The following PDSS2 variants were observed in gnomAD, a reference collection of about 807,000 sequenced individuals.
The protein encoded by PDSS2 is all trans-polyprenyl-diphosphate synthase PDSS2.
In PDSS2, 31 loss-of-function variants were observed where a neutral mutation model predicts 44.5. That is an observed-to-expected ratio of 0.70 (90% confidence interval 0.52 to 0.94). The LOEUF is 0.94. PDSS2 is among the 40% of genes least tolerant of loss of function. The pLI is 0.00. For synonymous variants in PDSS2, 157 were observed against 180.3 expected (o/e 0.87, Z 1.03); for missense variants, 452 against 482.2 (o/e 0.94, Z 0.59).
intron 7 of PDSS2, among the ~76,000 whole-genome samples, chr6:107,180,474 G>T (rs765225978): frequency 7.2e-5 from 11 of 152,166 alleles, no homozygotes; most frequent in Non-Finnish European, 1.3e-4. Context: ...TATTCCTTAT[G>T]AATTAGAAGA....
intron 4 of PDSS2, among the ~76,000 whole-genome samples, chr6:107,240,727 A>T (rs540624297): frequency 1.1e-3 from 165 of 146,158 alleles, no homozygotes; most frequent in South Asian, 6.5e-3. Context: ...ATAAAAATTT[A>T]AAAAAAAAAA....
intron 7 of PDSS2, among the ~76,000 whole-genome samples, chr6:107,182,362 T>C (rs1772013913): frequency 6.6e-6 from 1 of 152,230 alleles, no homozygotes; most frequent in Non-Finnish European, 1.5e-5. Flanking sequence ...TCTCACTCTA[T>C]TGCCTGGGCT....
chr6:107,451,622 AG>A (rs1305883450), intron 1 of PDSS2, among the ~76,000 whole-genome samples: 2 of 152,160 alleles, frequency 1.3e-5, no homozygotes, highest in African/African-American at 4.8e-5. Flanking sequence ...TATGGGTCAA[AG>A]GAAGTGCTAA....
intron 4 of PDSS2, among the ~76,000 whole-genome samples, chr6:107,245,123 C>A (rs931753289): frequency 6.6e-6 from 1 of 152,028 alleles, no homozygotes; most frequent in Non-Finnish European, 1.5e-5. Flanking sequence ...ATAAAAGATA[C>A]CCCCATCCCA....
chr6:107,430,756 C>T (rs1460166317), intron 1 of PDSS2, among the ~76,000 whole-genome samples: 1 of 151,748 alleles, frequency 6.6e-6, no homozygotes, highest in South Asian at 2.1e-4. Context: ...TTGCGGTGAG[C>T]CAAGACTGCA....
intron 1 of PDSS2, among the ~76,000 whole-genome samples, chr6:107,431,269 T>C (rs1238097213): frequency 6.6e-6 from 1 of 152,232 alleles, no homozygotes; most frequent in Non-Finnish European, 1.5e-5. Context: ...TCCTTTTTTC[T>C]TGAGACAGGG....
intron 4 of PDSS2, among the ~76,000 whole-genome samples, chr6:107,243,347 GCTAT>G (rs1246484191): frequency 2.0e-5 from 3 of 152,110 alleles, no homozygotes; most frequent in Admixed American, 6.5e-5. Flanking sequence ...ACTGTAAAGG[GCTAT>G]CTAAGTATTA....
At chr6:107,426,851 C>G (rs111777029) in intron 1 of PDSS2, among the ~76,000 whole-genome samples, 1 of 152,074 alleles carries the variant, frequency 6.6e-6, no homozygotes, top group East Asian at 1.9e-4. Context: ...TTACCCAATG[C>G]CTGTACCCCC....
intron 2 of PDSS2, among the ~76,000 whole-genome samples, chr6:107,311,745 T>C (rs763537262): frequency 3.3e-4 from 50 of 152,212 alleles, no homozygotes; most frequent in Non-Finnish European, 6.6e-4. Flanking sequence ...GCTCTGTAGA[T>C]CTTGGCTAAA....
intron 1 of PDSS2, among the ~76,000 whole-genome samples, chr6:107,444,292 A>G (rs576873723): frequency 1.3e-5 from 2 of 152,236 alleles, no homozygotes; most frequent in Admixed American, 6.5e-5. Flanking sequence ...TAGCCTCCCA[A>G]AGTGCTGGGA....
chr6:107,216,408 G>T (rs965867620), intron 4 of PDSS2, among the ~76,000 whole-genome samples: 5 of 152,038 alleles, frequency 3.3e-5, no homozygotes, highest in African/African-American at 1.2e-4. Context: ...GGGAGGCAGA[G>T]GTTGCAGTGA....
chr6:107,225,474 A>C (rs1032689142), intron 4 of PDSS2, among the ~76,000 whole-genome samples: 1 of 151,644 alleles, frequency 6.6e-6, no homozygotes, highest in Non-Finnish European at 1.5e-5. Flanking sequence ...TTTATAACCT[A>C]ATCTTGGAAG....
Position 107,359,659 on chromosome 6 carries a change from T to G in PDSS2, c.297-25327A>C, listed in dbSNP as rs939177732. 7.1e-4 allele frequency among the ~76,000 whole-genome samples: 103 copies of G among 145,608 alleles called. 2 individuals carry two copies. The highest frequency in any genetic ancestry group is 3.6e-3 in the Middle Eastern group (1 of 278). Reference sequence around the variant, plus strand: ...AAAAAAAGGGAGAGAGAGAGAGAGATAACTTCAGATATAAGGCATCAAGCA... The same window carrying G: ...AAAAAAAGGGAGAGAGAGAGAGAGAGAACTTCAGATATAAGGCATCAAGCA... On this transcript the variant is annotated intron_variant, in intron 1 of 7. Coordinates refer to ENST00000369037, the MANE Select transcript of PDSS2 (RefSeq NM_020381.4).
chr6:107,326,934 T>C (rs979337557), intron 2 of PDSS2, among the ~76,000 whole-genome samples: 7 of 152,202 alleles, frequency 4.6e-5, no homozygotes, highest in South Asian at 2.1e-4. Flanking sequence ...TCCTGGCAAA[T>C]AGACCATCTA....
intron 3 of PDSS2, among the ~76,000 whole-genome samples, chr6:107,252,879 G>A (rs1774871505): frequency 6.6e-6 from 1 of 152,126 alleles, no homozygotes; most frequent in Non-Finnish European, 1.5e-5. Flanking sequence ...ATATTGGCTG[G>A]TGGATTCATT....
intron 2 of PDSS2, among the ~76,000 whole-genome samples, chr6:107,313,031 C>A (rs551376525): frequency 2.6e-5 from 4 of 152,240 alleles, no homozygotes; most frequent in South Asian, 2.1e-4. Context: ...TTCACCTCCC[C>A]GGGGCTCCAT....
intron 2 of PDSS2, among the ~76,000 whole-genome samples, chr6:107,327,559 G>GC (rs1455740536): frequency 6.6e-6 from 1 of 152,216 alleles, no homozygotes; most frequent in Non-Finnish European, 1.5e-5. Context: ...CCAGGTTCAA[G>GC]CAATTCTCTG....
At position 107,166,606 on chromosome 6, in the gene PDSS2, C is replaced by A. The variant is rs1232743744; in HGVS notation, c.1042-11829G>T. Among the ~76,000 whole-genome samples the A allele has an allele frequency of 2.6e-5, 4 of 152,072 alleles. 1 individual carries two copies. Among genetic ancestry groups the A allele is most frequent in the African/African-American group, 9.7e-5 (4 of 41,432 alleles). ...GTCTCGATCTCCTGACCTCGTGATC[C>A]GCCCGCCTCGGCCTCCCAAAGTGCT... On this transcript the variant is annotated intron_variant, in intron 7 of 7. Coordinates refer to ENST00000369037, the MANE Select transcript of PDSS2 (RefSeq NM_020381.4).
chr6:107,336,824 TG>T (rs1328780918), intron 1 of PDSS2, among the ~76,000 whole-genome samples: 1 of 123,544 alleles, frequency 8.1e-6, no homozygotes, highest in Non-Finnish European at 1.7e-5. Context: ...AAGAGGTGTG[TG>T]GTGTGTGTGT....
Sources: allele counts gnomAD v4.1 joint callset (sites outside exome capture counted in the v4.1 genomes callset), GRCh38; gene constraint gnomAD v4.1.1; transcripts MANE v1.5; gene names NCBI Gene and HGNC (gene_info 2026-07-23, HGNC 2026-07-21).